The following SART3 variants were observed in gnomAD, a reference collection of about 807,000 sequenced individuals.
The protein encoded by SART3 is HIV-1 Tat-interacting protein of 110kDa.
SART3 carries 44 observed loss-of-function variants against 122.3 expected under a neutral mutation model. The ratio of observed to expected loss-of-function variants is 0.36; its 90% confidence interval spans 0.28 to 0.46. The LOEUF is 0.46. SART3 is among the 20% of genes least tolerant of loss of function. SART3 has a pLI of 1.00. For synonymous variants in SART3, 442 were observed against 454.0 expected (o/e 0.97, Z 0.34); for missense variants, 1,101 against 1,229.0 (o/e 0.90, Z 1.56).
intron 2 of SART3, 89 bp downstream of exon 2, chr12:108,548,999 C>G (rs3214424): frequency 0.082 from 129,606 of 1,584,142 alleles, 6,139 homozygotes; most frequent in South Asian, 0.17. Context: ...TCCAGGTTTT[C>G]TACAAGGAGC....
chr12:108,531,256 G>C lies in SART3; in HGVS notation c.1694C>G (p.Ala565Gly), dbSNP rs1489006681. ...TAATCGGGTTTCAGTTTTCTGAACA[G>C]CTATATCCCAATCTTCTAAAGAACC... ...TEGSLEDWDIAVQKTETRLAR... is the reference protein window; with the variant it reads ...TEGSLEDWDIGVQKTETRLAR... Residue 565 changes from alanine to glycine, a missense_variant, in exon 14 of 19, where the codon GCT (alanine) becomes GGT (glycine). Coordinates refer to ENST00000546815, the MANE Select transcript of SART3 (RefSeq NM_014706.4). The C allele has an allele frequency of 1.2e-6, 2 of 1,613,768 alleles. No individual in the cohort carries two copies. Among genetic ancestry groups the C allele is most frequent in the Non-Finnish European group, 8.5e-7 (1 of 1,179,764 alleles).
In SART3 at chr12:108,539,106, T is replaced by C; in HGVS notation, c.907-17A>G. The stretch of plus-strand genomic sequence containing the variant: ...TGCCTGCAACTGGAGTACAGGAAAA[T>C]TGTATTGAATTTAGTTACTGGCAGG... On this transcript the variant is annotated splice_polypyrimidine_tract_variant and intron_variant, in intron 6 of 18. Transcript: ENST00000546815. 1 of 1,613,926 alleles carries C rather than the reference T, an allele frequency of 6.2e-7. No homozygotes were observed. Among genetic ancestry groups the C allele is most frequent in the Non-Finnish European group, 8.5e-7 (1 of 1,179,976 alleles).
At chr12:108,535,625 C>T (rs1206983109) in intron 11 of SART3, 157 bp from the exon 12 acceptor site, 4 of 699,580 alleles carry the variant, frequency 5.7e-6, no homozygotes, top group East Asian at 5.3e-5. Context: ...CAGTGGTAAA[C>T]GACCCAGCCC....
In SART3 at chr12:108,526,682, G is replaced by A. The variant is rs912813701; in HGVS notation, c.1916-129C>T. ...ACTTACTCCCTCACCAGACTCGGAG[G>A]GGCAAGCACCACCCCGAGAAGTCTT... On this transcript the variant is annotated intron_variant, in intron 15 of 18. Transcript: ENST00000546815. 3 of 981,804 alleles carry A rather than the reference G, an allele frequency of 3.1e-6. No homozygotes were observed. The South Asian group carries it at 4.0e-5, about 13-fold the overall frequency. 60.8% of individuals were successfully genotyped at this position (981,804 alleles called of 1,614,324 possible).
Position 108,537,145 on chromosome 12 carries a change from A to G in SART3, c.1309+343T>C, listed in dbSNP as rs999457449. ...GTTTTCTGGTTGTTTTCGGGGGGAC[A>G]TGAAGGGGCAAAGGATCCCACAGAG... On this transcript the variant is annotated intron_variant, in intron 9 of 18. Coordinates refer to ENST00000546815, the MANE Select transcript of SART3 (RefSeq NM_014706.4). The G allele has an allele frequency of 4.0e-5, 17 of 428,578 alleles. No homozygotes were observed. The Admixed American group carries it at 5.8e-4, about 15-fold the overall frequency. 26.5% of individuals were successfully genotyped at this position (428,578 alleles called of 1,614,324 possible). A position where few individuals can be genotyped will look rare whatever the true frequency, so the allele number is the denominator to read the frequency against.
At chr12:108,558,833 A>G (rs113868455) in intron 1 of SART3, among the ~76,000 whole-genome samples, 1 of 152,098 alleles carries the variant, frequency 6.6e-6, no homozygotes, top group Non-Finnish European at 1.5e-5. Flanking sequence ...GGAGATCGAG[A>G]CCATCCTGGC....
intron 1 of SART3, among the ~76,000 whole-genome samples, chr12:108,558,107 TG>T (rs1273171812): frequency 6.6e-6 from 1 of 151,988 alleles, no homozygotes; most frequent in African/African-American, 2.4e-5. Context: ...AGGTCCTAGC[TG>T]CAGTGAGCCA....
At chr12:108,527,521 TCCTGATCACACGCCATGC>T (rs544038416) in intron 15 of SART3, among the ~76,000 whole-genome samples, 1 of 152,314 alleles carries the variant, frequency 6.6e-6, no homozygotes, top group South Asian at 2.1e-4. Context: ...TCTCCCACAG[TCCTGATCACACGCCATGC>T]CCTGATCACA....
At chr12:108,527,339 C>T (rs1457289414) in intron 15 of SART3, among the ~76,000 whole-genome samples, 1 of 152,218 alleles carries the variant, frequency 6.6e-6, no homozygotes, top group Admixed American at 6.5e-5. Flanking sequence ...TGTGCTGTGC[C>T]TTCAGGCTGT....
intron 6 of SART3, among the ~76,000 whole-genome samples, chr12:108,540,518 T>C (rs1373601200): frequency 3.3e-5 from 5 of 151,826 alleles, no homozygotes; most frequent in African/African-American, 7.3e-5. Context: ...TGTTCATAGA[T>C]TGGAAGATGT....
chr12:108,535,286 G>A, intron 12 of SART3, 73 bp downstream of exon 12: 1 of 1,174,054 alleles, frequency 8.5e-7, no homozygotes, highest in Admixed American at 1.7e-5. Flanking sequence ...CAAGCTGGTA[G>A]GAGTCAGCCA....
chr12:108,530,401 C>T, intron 14 of SART3, 91 bp from the exon 15 acceptor site: 1 of 1,412,672 alleles, frequency 7.1e-7, no homozygotes, highest in Non-Finnish European at 9.9e-7. Flanking sequence ...AGTGGAAATT[C>T]ATTACTAATG....
At chr12:108,532,969 G>T (rs1173806596) in intron 12 of SART3, among the ~76,000 whole-genome samples, 5 of 152,156 alleles carry the variant, frequency 3.3e-5, no homozygotes, top group African/African-American at 1.2e-4. Flanking sequence ...GGCAAGGCTG[G>T]TCGCAAACAG....
At chr12:108,540,927 CA>C (rs1873130828) in intron 6 of SART3, among the ~76,000 whole-genome samples, 1 of 152,156 alleles carries the variant, frequency 6.6e-6, no homozygotes, top group Non-Finnish European at 1.5e-5. Context: ...TCATACCACT[CA>C]AAAATCAATC....
rs745465305 is a variant in SART3, at chr12:108,532,219, C to T, written c.1669+3G>A. The T allele has an allele frequency of 1.9e-6, 3 of 1,613,074 alleles. No individual in the cohort carries two copies. The highest frequency in any genetic ancestry group is 2.5e-6 in the Non-Finnish European group (3 of 1,179,182). ...CAAGCCAGAAGAGAGCTGGGGGTCC[C>T]ACCTTCTGTCCTCTCCATGGTGAGT... On this transcript the variant is annotated splice_donor_region_variant and intron_variant, in intron 13 of 18. Transcript: ENST00000546815.
chr12:108,533,216 A>C (rs1565859921), intron 12 of SART3, among the ~76,000 whole-genome samples: 1 of 152,254 alleles, frequency 6.6e-6, no homozygotes, highest in Middle Eastern at 3.4e-3. Context: ...TTTTATAATA[A>C]TACCAAGACA....
At chr12:108,524,159 G>T in intron 18 of SART3, 157 bp downstream of exon 18, 1 of 747,924 alleles carries the variant, frequency 1.3e-6, no homozygotes, top group Non-Finnish European at 2.4e-6. Flanking sequence ...TGGACGCCTT[G>T]CTCCAGTGGA....
chr12:108,553,382 C>T (rs1232577928), intron 1 of SART3, among the ~76,000 whole-genome samples: 8 of 152,036 alleles, frequency 5.3e-5, no homozygotes, highest in Non-Finnish European at 7.4e-5. Context: ...AAAAAGTACA[C>T]GAAAAATCTC....
At chr12:108,559,383 G>A (rs2030371434) in intron 1 of SART3, among the ~76,000 whole-genome samples, 3 of 152,048 alleles carry the variant, frequency 2.0e-5, no homozygotes, top group Admixed American at 6.5e-5. Context: ...AAGAGAATGC[G>A]GGCCGGGCGT....
Sources: allele counts gnomAD v4.1 joint callset (sites outside exome capture counted in the v4.1 genomes callset), GRCh38; gene constraint gnomAD v4.1.1; transcripts MANE v1.5; gene names NCBI Gene and HGNC (gene_info 2026-07-23, HGNC 2026-07-21).